CPQ: variants seen among roughly 807,000 people sequenced by gnomAD.
CPQ encodes the protein Ser-Met dipeptidase.
In CPQ, 37 loss-of-function variants were observed where a neutral mutation model predicts 45.7. The ratio of observed to expected loss-of-function variants is 0.81; its 90% confidence interval spans 0.62 to 1.07. The LOEUF (loss-of-function observed/expected upper bound fraction) is 1.07, where lower values mean the gene tolerates loss of function less well. CPQ is among the 50% of genes least tolerant of loss of function. The pLI, the probability that CPQ is intolerant of heterozygous loss-of-function variation, is 0.00. For missense variants in CPQ, 537 were observed against 572.9 expected (o/e 0.94, Z 0.64); for synonymous variants, 186 against 205.8 (o/e 0.90, Z 0.82).
At chr8:96,820,736 C>T (rs953090184) in intron 2 of CPQ, among the ~76,000 whole-genome samples, 4 of 151,904 alleles carry the variant, frequency 2.6e-5, no homozygotes, top group East Asian at 1.9e-4. Flanking sequence ...AGCTTGATTC[C>T]GTATTTTCAC....
At chr8:97,055,200 A>G (rs1810432756) in intron 6 of CPQ, among the ~76,000 whole-genome samples, 1 of 152,012 alleles carries the variant, frequency 6.6e-6, no homozygotes, top group African/African-American at 2.4e-5. Context: ...AGCCTCCTTT[A>G]TCACATCATC....
At chr8:97,115,401 G>A (rs905901094) in intron 7 of CPQ, among the ~76,000 whole-genome samples, 3 of 152,190 alleles carry the variant, frequency 2.0e-5, no homozygotes, top group Admixed American at 6.5e-5. Context: ...TAGTTAGTGG[G>A]CCTGTGTTGC....
At chr8:97,015,023 T>TACAA (rs968314995) in intron 5 of CPQ, among the ~76,000 whole-genome samples, 1 of 152,204 alleles carries the variant, frequency 6.6e-6, no homozygotes, top group Non-Finnish European at 1.5e-5. Flanking sequence ...ATGATTCAAG[T>TACAA]ACAAACAGTT....
intron 6 of CPQ, among the ~76,000 whole-genome samples, chr8:97,039,244 A>G (rs1301869902): frequency 6.6e-6 from 1 of 152,212 alleles, no homozygotes; most frequent in Non-Finnish European, 1.5e-5. Flanking sequence ...CTTTATAAAG[A>G]TAGCTAAATG....
At position 97,143,366 on chromosome 8, in the gene CPQ, A is replaced by T. The variant is rs1812200234; in HGVS notation, c.*183A>T. ...TTCTCTGATTCTAGAAAAAGGAATC[A>T]TTCTCCCCTCCCTCCCACCACATAG... On this transcript the variant is annotated 3_prime_UTR_variant, in exon 8 of 8. Coordinates refer to ENST00000220763, the MANE Select transcript of CPQ (RefSeq NM_016134.4). 1.7e-6 allele frequency: 1 copy of T among 587,174 alleles called. No individual in the cohort carries two copies. The highest frequency in any genetic ancestry group is 2.9e-6 in the Non-Finnish European group (1 of 342,694). 36.4% of individuals were successfully genotyped at this position (587,174 alleles called of 1,614,324 possible). A position where few individuals can be genotyped will look rare whatever the true frequency, so the allele number is the denominator to read the frequency against.
At chr8:96,841,751 G>A (rs1308517863) in intron 3 of CPQ, among the ~76,000 whole-genome samples, 1 of 152,198 alleles carries the variant, frequency 6.6e-6, no homozygotes, top group Non-Finnish European at 1.5e-5. Flanking sequence ...GAGCAATTTA[G>A]TTTGAAGATG....
intron 2 of CPQ, among the ~76,000 whole-genome samples, chr8:96,795,748 T>G (rs988584289): frequency 1.3e-5 from 2 of 152,090 alleles, no homozygotes; most frequent in African/African-American, 4.8e-5. Context: ...AGCATGGGTA[T>G]AAAATCTTTT....
intron 1 of CPQ, among the ~76,000 whole-genome samples, chr8:96,781,679 C>T (rs1810686987): frequency 1.3e-5 from 2 of 152,136 alleles, no homozygotes; most frequent in Admixed American, 6.6e-5. Flanking sequence ...CTTCCAGCAC[C>T]AACTCAAAAG....
Position 96,947,446 on chromosome 8 carries a change from A to G in CPQ, c.850-18489A>G, listed in dbSNP as rs139683596. On this transcript the variant is annotated intron_variant, in intron 4 of 7. Transcript: ENST00000220763. The stretch of plus-strand genomic sequence containing the variant: ...ATGACTGTCATTATGTCAGTACCAT[A>G]TTGTTTTGATTACTGTAGCTTTGTA... Among the ~76,000 whole-genome samples, 26 of 152,216 alleles carry G rather than the reference A, an allele frequency of 1.7e-4. No homozygotes were observed. In the East Asian group the frequency reaches 4.6e-3, roughly 27 times the overall value.
chr8:96,837,282 C>A (rs1386528146), intron 3 of CPQ, among the ~76,000 whole-genome samples: 24 of 152,184 alleles, frequency 1.6e-4, no homozygotes. Flanking sequence ...ACCTCTAATT[C>A]CTCACCTTTC....
chr8:96,913,204 CTCCAGATGTCCCATACATA>C (rs1380868881), intron 4 of CPQ, among the ~76,000 whole-genome samples: 2 of 152,240 alleles, frequency 1.3e-5, no homozygotes, highest in Non-Finnish European at 2.9e-5. Flanking sequence ...ATGTATATAG[CTCCAGATGTCCCATACATA>C]TGGACAATTG....
At chr8:97,097,109 T>C (rs777724392) in intron 7 of CPQ, among the ~76,000 whole-genome samples, 1 of 152,238 alleles carries the variant, frequency 6.6e-6, no homozygotes, top group Non-Finnish European at 1.5e-5. Context: ...CTCAGTGAAC[T>C]TGACCTTGAC....
intron 7 of CPQ, among the ~76,000 whole-genome samples, chr8:97,134,440 G>A (rs916204293): frequency 3.3e-5 from 5 of 152,250 alleles, no homozygotes; most frequent in Admixed American, 3.3e-4. Context: ...CAGGAGGACT[G>A]GCAGGCCTGC....
At chr8:96,977,861 T>C (rs918803826) in intron 5 of CPQ, among the ~76,000 whole-genome samples, 1 of 152,190 alleles carries the variant, frequency 6.6e-6, no homozygotes, top group South Asian at 2.1e-4. Context: ...AGACTGCACA[T>C]TGGGTGCAGT....
chr8:96,675,677 T>G (rs1190688314), intron 1 of CPQ, among the ~76,000 whole-genome samples: 1 of 152,066 alleles, frequency 6.6e-6, no homozygotes, highest in Non-Finnish European at 1.5e-5. Flanking sequence ...GTGTGCCTAT[T>G]TCTCCATTCC....
chr8:96,933,358 C>G (rs975298093), intron 4 of CPQ, among the ~76,000 whole-genome samples: 1 of 152,130 alleles, frequency 6.6e-6, no homozygotes, highest in Non-Finnish European at 1.5e-5. Flanking sequence ...ACTGGATGCT[C>G]CCTCCTGTAG....
At chr8:97,037,712 G>T (rs1810027601) in intron 6 of CPQ, among the ~76,000 whole-genome samples, 1 of 152,162 alleles carries the variant, frequency 6.6e-6, no homozygotes, top group African/African-American at 2.4e-5. Context: ...GTAAAAAAAG[G>T]AAAGGATTGT....
intron 5 of CPQ, among the ~76,000 whole-genome samples, chr8:96,988,469 G>A (rs1169614391): frequency 6.6e-6 from 1 of 152,118 alleles, no homozygotes. Flanking sequence ...TTTAATTTCA[G>A]TAAATGTTTT....
chr8:96,864,586 G>A (rs1811972531), intron 3 of CPQ, among the ~76,000 whole-genome samples: 1 of 147,828 alleles, frequency 6.8e-6, no homozygotes, highest in Non-Finnish European at 1.5e-5. Context: ...AAACAGTGCA[G>A]AGTGCAAGAT....
Sources: gnomAD v4.1 joint callset for allele counts (sites outside exome capture counted in the v4.1 genomes callset) on GRCh38, gnomAD v4.1.1 for gene constraint, MANE v1.5 for transcripts, NCBI Gene and HGNC (gene_info 2026-07-23, HGNC 2026-07-21) for gene names.